Variants in ZNF415 observed in about 807,000 individuals in gnomAD.
The protein encoded by ZNF415 is zinc finger protein 415.
ZNF415 carries 5 observed loss-of-function variants against 7.3 expected under a neutral mutation model. The observed-to-expected ratio is 0.69, with a 90% CI of 0.36 to 1.44. The LOEUF (loss-of-function observed/expected upper bound fraction) is 1.44. Among genes scored for constraint, ZNF415 ranks in the 40% most tolerant of loss-of-function variants. ZNF415 has a pLI of 0.04. For synonymous variants in ZNF415, 207 were observed against 226.3 expected, an observed-to-expected ratio of 0.91 and a Z score of 0.77; for missense variants, 628 against 664.8, an observed-to-expected ratio of 0.94 and a Z score of 0.61.
Position 53,108,635 on chromosome 19 carries a change from A to G in ZNF415, c.1410T>C (p.Cys470=). 6.2e-7 allele frequency: 1 copy of G among 1,614,200 alleles called. No individual in the cohort carries two copies. Among genetic ancestry groups the G allele is most frequent in the South Asian group, 1.1e-5 (1 of 91,084 alleles). Residue 470 remains cysteine (C), a synonymous_variant, in exon 4 of 4, where the codon TGT becomes TGC. Transcript: ENST00000243643. ...CACTGAAGCCTTTGCCACATTGATT[A>G]CATTTGTAAGGCTTCTCTCCAGTAT... is the stretch of plus-strand genomic sequence containing the variant. ...VIHTGEKPYK[C]NQCGKGFSVH... is the part of the protein sequence containing the mutation.
chr19:53,129,928 G>T (rs993498039), intron 1 of ZNF415, among the ~76,000 whole-genome samples: 1 of 152,058 alleles, frequency 6.6e-6, no homozygotes, highest in Non-Finnish European at 1.5e-5. Flanking sequence ...AGCCGGGTGT[G>T]GTGGCCTGTG....
intron 2 of ZNF415, among the ~76,000 whole-genome samples, chr19:53,121,384 C>CAA (rs773591699): frequency 3.7e-5 from 3 of 80,112 alleles, no homozygotes; most frequent in Admixed American, 1.3e-4. Flanking sequence ...GACTCCGTCT[C>CAA]AAAAAAAAAA....
chr19:53,123,189 T>TG (rs1275991674), intron 1 of ZNF415, among the ~76,000 whole-genome samples: 1 of 151,996 alleles, frequency 6.6e-6, no homozygotes, highest in African/African-American at 2.4e-5. Flanking sequence ...GGGACAGGGA[T>TG]GGGGGCACAA....
At chr19:53,128,717 A>C (rs1341434642) in intron 1 of ZNF415, among the ~76,000 whole-genome samples, 2 of 114,918 alleles carry the variant, frequency 1.7e-5, no homozygotes, top group East Asian at 4.6e-4. Context: ...CTGCTCTTAC[A>C]TAGACTGGAA....
At chr19:53,129,735 T>C (rs896366964) in intron 1 of ZNF415, 3 of 397,718 alleles carry the variant, frequency 7.5e-6, no homozygotes, top group Non-Finnish European at 1.3e-5. Context: ...GAAGGGCCAA[T>C]GGGCTGTGTT....
chr19:53,115,582 A>C (rs1003613676), intron 3 of ZNF415: 40 of 757,204 alleles, frequency 5.3e-5, no homozygotes, highest in Non-Finnish European at 7.2e-5. Context: ...GGAAGTTTAA[A>C]ATTTCCTCTA....
At chr19:53,123,618 C>G (rs1321586424) in intron 1 of ZNF415, 2 of 398,588 alleles carry the variant, frequency 5.0e-6, no homozygotes, top group Non-Finnish European at 8.8e-6. Context: ...GCAGAGGGAG[C>G]GAGGAGGACA....
At chr19:53,127,117 A>G (rs1027068858) in intron 1 of ZNF415, among the ~76,000 whole-genome samples, 2 of 139,710 alleles carry the variant, frequency 1.4e-5, no homozygotes, top group Admixed American at 7.4e-5. Flanking sequence ...TCTTGGAGAA[A>G]TCTTTCCCTT....
At chr19:53,127,127 T>G (rs2089273080) in intron 1 of ZNF415, among the ~76,000 whole-genome samples, 1 of 143,784 alleles carries the variant, frequency 7.0e-6, no homozygotes, top group Non-Finnish European at 1.5e-5. Context: ...ATCTTTCCCT[T>G]ACTCTGGGAC....
In ZNF415 at chr19:53,116,418, C is replaced by T. The variant is rs575346662; in HGVS notation, c.31G>A (p.Val11Met). The T allele has an allele frequency of 7.4e-6, 12 of 1,614,072 alleles. No individual in the cohort carries two copies. The highest frequency in any genetic ancestry group is 4.5e-5 in the East Asian group (2 of 44,882). The change falls in exon 3 of 4, where the codon GTG becomes ATG. Residue 11 changes from valine to methionine, a missense_variant. Physicochemically the swap from Val to Met is conservative, Grantham distance 21. Transcript: ENST00000243643. MAFTQLTFRD[V>M]AIEFSQDEWK... ...TCATCTTGAGAGAATTCGATGGCCA[C>T]GTCCCTGAATGTCAACTGTCCGTAA...
chr19:53,108,464 A>G lies in ZNF415; in HGVS notation c.1581T>C (p.Ser527=), dbSNP rs764545367. The change falls in exon 4 of 4, where the codon AGT becomes AGC. Residue 527 remains serine (S), a synonymous_variant. Transcript: ENST00000243643. ...GCACACTAAAGGACTTCCCACAATC[A>G]CTACATTTGTAAGGTTTCTTTCCAG... The part of the protein sequence containing the change: ...IHTGKKPYKC[S]DCGKSFSVRP... 12 of 1,614,170 alleles carry G rather than the reference A, an allele frequency of 7.4e-6. No homozygotes were observed. The highest frequency in any genetic ancestry group is 9.3e-6 in the Non-Finnish European group (11 of 1,180,028).
intron 3 of ZNF415, among the ~76,000 whole-genome samples, chr19:53,113,206 G>A (rs937127329): frequency 1.3e-5 from 2 of 151,746 alleles, no homozygotes; most frequent in Admixed American, 6.6e-5. Context: ...AATGACACTG[G>A]ACTTTAAAAA....
intron 1 of ZNF415, chr19:53,124,189 G>A (rs942862068): frequency 2.6e-5 from 4 of 151,832 alleles, no homozygotes; most frequent in East Asian, 1.9e-4. Context: ...GCGGTGAGCC[G>A]AGATCGCGCC....
chr19:53,116,279 C>A, intron 3 of ZNF415, 34 bp downstream of exon 3: 1 of 1,584,388 alleles, frequency 6.3e-7, no homozygotes. Context: ...ATACCAAGGG[C>A]AGATTTTGAC....
intron 1 of ZNF415, among the ~76,000 whole-genome samples, chr19:53,131,271 G>A (rs1292498202): frequency 6.6e-6 from 1 of 151,554 alleles, no homozygotes; most frequent in Non-Finnish European, 1.5e-5. Context: ...CCCTCCCCCT[G>A]CCCCAACGCC....
At chr19:53,113,517 A>C (rs1397198409) in intron 3 of ZNF415, among the ~76,000 whole-genome samples, 1 of 27,360 alleles carries the variant, frequency 3.7e-5, no homozygotes, top group East Asian at 2.3e-3. Flanking sequence ...AAAAAAAAAA[A>C]AAAAAAAAAA....
At chr19:53,113,939 A>G (rs576543907) in intron 3 of ZNF415, among the ~76,000 whole-genome samples, 1 of 152,218 alleles carries the variant, frequency 6.6e-6, no homozygotes, top group African/African-American at 2.4e-5. Context: ...GGCTCGCCTG[A>G]TATTTTGTAT....
At chr19:53,132,029 C>T (rs1472129662) in intron 1 of ZNF415, among the ~76,000 whole-genome samples, 1 of 152,142 alleles carries the variant, frequency 6.6e-6, no homozygotes, top group Non-Finnish European at 1.5e-5. Flanking sequence ...CTGCCCCTCT[C>T]CCTACCTGGC....
chr19:53,108,725 G>C lies in ZNF415; in HGVS notation c.1320C>G (p.Tyr440Ter). ...HRRVHTGEKPYKCNECGKAFS... is the reference protein window; with the variant it reads ...HRRVHTGEKP ...AGGCTTTCCCACACTCATTACACTT[G>C]TAAGGTTTCTCTCCAGTATGAACTC... is the stretch of plus-strand genomic sequence containing the variant. Residue 440 changes from tyrosine (Y) to a stop codon, truncating the protein, a stop_gained, in exon 4 of 4, where the codon TAC becomes TAG. Transcript: ENST00000243643. LOFTEE classifies it low-confidence loss of function (END_TRUNC). The C allele has an allele frequency of 1.9e-6, 3 of 1,614,194 alleles. No individual in the cohort carries two copies. Among genetic ancestry groups the C allele is most frequent in the Non-Finnish European group, 2.5e-6 (3 of 1,180,026 alleles).
Sources: allele counts gnomAD v4.1 joint callset (sites outside exome capture counted in the v4.1 genomes callset), GRCh38; gene constraint gnomAD v4.1.1; transcripts MANE v1.5; gene names NCBI Gene and HGNC (gene_info 2026-07-23, HGNC 2026-07-21).